Variants in ATP10B observed in about 807,000 individuals in gnomAD.
The protein encoded by ATP10B is phospholipid-transporting ATPase VB.
Under a neutral mutation model 141.2 loss-of-function variants are expected in ATP10B, and 122 were observed. The observed-to-expected ratio is 0.86, with a 90% CI of 0.75 to 1.00. The LOEUF (loss-of-function observed/expected upper bound fraction) is 1.00, where lower values mean the gene tolerates loss of function less well. Ranked by LOEUF, ATP10B falls within the 50% of genes least tolerant of loss-of-function variation. The pLI is 0.00. For missense variants in ATP10B, 1,876 were observed against 1,825.3 expected (o/e 1.03, Z -0.51); for synonymous variants, 685 against 692.0 (o/e 0.99, Z 0.16).
chr5:160,739,320 G>T (rs1293472597), intron 2 of ATP10B, among the ~76,000 whole-genome samples: 1 of 152,106 alleles, frequency 6.6e-6, no homozygotes, highest in Non-Finnish European at 1.5e-5. Flanking sequence ...TTAGATTAGG[G>T]TAGCCAGGCA....
intron 2 of ATP10B, among the ~76,000 whole-genome samples, chr5:160,758,066 T>G (rs544277940): frequency 1.3e-5 from 2 of 152,156 alleles, no homozygotes; most frequent in Non-Finnish European, 2.9e-5. Flanking sequence ...GAGTCAACAT[T>G]TTTAATAGCA....
the ATP10B span, among the ~76,000 whole-genome samples, chr5:160,883,385 T>C: frequency 6.6e-6 from 1 of 152,302 alleles, no homozygotes; most frequent in Admixed American, 6.5e-5. Context: ...AGACTAAATG[T>C]CATGTATGGA....
At chr5:160,792,023 G>A (rs1231366992) in intron 1 of ATP10B, among the ~76,000 whole-genome samples, 4 of 152,002 alleles carry the variant, frequency 2.6e-5, no homozygotes, top group Admixed American at 6.6e-5. Flanking sequence ...CCATTTTCCA[G>A]TCTACCTTAG....
chr5:160,656,853 C>G (rs1348882724), intron 7 of ATP10B, among the ~76,000 whole-genome samples: 1 of 152,140 alleles, frequency 6.6e-6, no homozygotes, highest in Non-Finnish European at 1.5e-5. Flanking sequence ...AAAACTCTTT[C>G]CTCAAACATA....
intron 1 of ATP10B, among the ~76,000 whole-genome samples, chr5:160,791,801 TA>T (rs1384761418): frequency 6.6e-6 from 1 of 152,078 alleles, no homozygotes; most frequent in Non-Finnish European, 1.5e-5. Context: ...TACACTCAAC[TA>T]AAAGTTAGGA....
intron 1 of ATP10B, among the ~76,000 whole-genome samples, chr5:160,830,531 C>T (rs10076350): frequency 0.013 from 1,909 of 152,088 alleles, 38 homozygotes; most frequent in African/African-American, 0.044. Context: ...CAAGTGTGCT[C>T]CCAGCTGTAG....
chr5:160,578,672 G>A (rs1038210802), intron 24 of ATP10B, among the ~76,000 whole-genome samples: 5 of 152,188 alleles, frequency 3.3e-5, no homozygotes, highest in African/African-American at 1.2e-4. Context: ...TGTCTTTATA[G>A]TAGAATGATT....
chr5:160,881,090 A>G, the ATP10B span, among the ~76,000 whole-genome samples: 3 of 152,210 alleles, frequency 2.0e-5, no homozygotes, highest in African/African-American at 7.2e-5. Context: ...AAAAATCAAC[A>G]AGAAAGCAAG....
At chr5:160,743,345 C>T (rs1191681830) in intron 2 of ATP10B, among the ~76,000 whole-genome samples, 3 of 152,148 alleles carry the variant, frequency 2.0e-5, no homozygotes, top group Admixed American at 6.5e-5. Flanking sequence ...AGGAAAACGA[C>T]AATTTAAAAA....
intron 1 of ATP10B, among the ~76,000 whole-genome samples, chr5:160,837,340 A>T (rs1019192606): frequency 6.6e-6 from 1 of 152,178 alleles, no homozygotes; most frequent in Non-Finnish European, 1.5e-5. Flanking sequence ...AAATGGCTTG[A>T]GGTCAAGGGA....
At chr5:160,768,057 T>A (rs1769607171) in intron 2 of ATP10B, among the ~76,000 whole-genome samples, 1 of 152,106 alleles carries the variant, frequency 6.6e-6, no homozygotes. Flanking sequence ...CACTCCCAAC[T>A]CCTTCCCGAG....
At chr5:160,730,225 G>A (rs189572989) in intron 2 of ATP10B, among the ~76,000 whole-genome samples, 79 of 152,248 alleles carry the variant, frequency 5.2e-4, no homozygotes, top group Admixed American at 2.7e-3. Context: ...AAGAAGGTAA[G>A]GCATCTGCAG....
At chr5:160,878,604 C>A in the ATP10B span, among the ~76,000 whole-genome samples, 1 of 151,900 alleles carries the variant, frequency 6.6e-6, no homozygotes, top group African/African-American at 2.4e-5. Flanking sequence ...AGGCAACCTA[C>A]AAAATGGGAG....
chr5:160,836,452 A>T (rs1180462706), intron 1 of ATP10B, among the ~76,000 whole-genome samples: 2 of 152,110 alleles, frequency 1.3e-5, no homozygotes, highest in African/African-American at 2.4e-5. Context: ...ACTAAATGAG[A>T]TAAAGTTCTC....
At chr5:160,861,524 G>A in the ATP10B span, among the ~76,000 whole-genome samples, 7 of 151,998 alleles carry the variant, frequency 4.6e-5, no homozygotes, top group South Asian at 1.4e-3. Context: ...CACAAAATAA[G>A]CTTGTAATTT....
chr5:160,634,151 T>A, intron 12 of ATP10B: 1 of 803,250 alleles, frequency 1.2e-6, no homozygotes, highest in Non-Finnish European at 2.2e-6. Context: ...ACTTCTAACC[T>A]TTGTAAACAA....
chr5:160,684,558 G>C (rs1485037385), intron 6 of ATP10B, among the ~76,000 whole-genome samples: 2 of 152,194 alleles, frequency 1.3e-5, no homozygotes, highest in Admixed American at 6.5e-5. Flanking sequence ...GTTAAGAGGA[G>C]ATGAGAATAT....
chr5:160,743,682 T>C (rs1395922477), intron 2 of ATP10B, among the ~76,000 whole-genome samples: 4 of 152,166 alleles, frequency 2.6e-5, no homozygotes, highest in African/African-American at 7.2e-5. Context: ...AGTACAAAAA[T>C]ACATTGAGTT....
At chr5:160,780,031 T>C (rs535511044) in intron 2 of ATP10B, among the ~76,000 whole-genome samples, 4 of 152,242 alleles carry the variant, frequency 2.6e-5, no homozygotes, top group Non-Finnish European at 5.9e-5. Flanking sequence ...TCAGTACTTA[T>C]CATCTCTTTA....
Sources: gnomAD v4.1 joint callset for allele counts (sites outside exome capture counted in the v4.1 genomes callset) on GRCh38, gnomAD v4.1.1 for gene constraint, MANE v1.5 for transcripts, NCBI Gene and HGNC (gene_info 2026-07-23, HGNC 2026-07-21) for gene names.